IKZF1: variants seen among roughly 807,000 people sequenced by gnomAD.
IKZF1 encodes the protein IKAROS family zinc finger 1, also known as DNA-binding protein Ikaros.
Under a neutral mutation model 51.7 loss-of-function variants are expected in IKZF1, and 10 were observed. The observed-to-expected ratio is 0.19, with a 90% confidence interval of 0.12 to 0.33. IKZF1 has a LOEUF of 0.33. Among genes scored for constraint, IKZF1 ranks in the 10% least tolerant of loss-of-function variants. IKZF1 has a pLI of 1.00. For missense variants in IKZF1, 484 were observed against 707.5 expected (o/e 0.68, Z 3.58); for synonymous variants, 280 against 282.3 (o/e 0.99, Z 0.08).
intron 3 of IKZF1, chr7:50,329,098 TAAAG>T (rs1277102898): frequency 1.4e-5 from 2 of 147,590 alleles, no homozygotes; most frequent in African/African-American, 2.5e-5. Flanking sequence ...AAAGAAAAAG[TAAAG>T]AAAACATATT....
intron 3 of IKZF1, among the ~76,000 whole-genome samples, chr7:50,353,705 T>C (rs1246582283): frequency 6.6e-6 from 1 of 152,346 alleles, no homozygotes; most frequent in South Asian, 2.1e-4. Flanking sequence ...GTCCTTTTTA[T>C]TCAAGGGGCT....
At chr7:50,334,384 T>C (rs1468920429) in intron 3 of IKZF1, among the ~76,000 whole-genome samples, 2 of 151,992 alleles carry the variant, frequency 1.3e-5, no homozygotes, top group African/African-American at 2.4e-5. Context: ...GGGGGGTATA[T>C]GTGGTGTGTG....
intron 3 of IKZF1, among the ~76,000 whole-genome samples, chr7:50,340,151 C>T (rs1252560442): frequency 6.6e-6 from 1 of 152,194 alleles, no homozygotes; most frequent in African/African-American, 2.4e-5. Context: ...CAGAAAACTA[C>T]CTCCACTGTG....
Position 50,403,003 on chromosome 7 carries a change from T to A in IKZF1, c.*2376T>A, listed in dbSNP as rs886371912. On this transcript the variant is annotated 3_prime_UTR_variant, in exon 8 of 8. Transcript: ENST00000331340. Reference sequence around the variant, plus strand: ...TTTTCCATCCATCCCCCTGAGTCAGTTGGTTGAAGGGAGTTATTTTTTCAA... The same window carrying A: ...TTTTCCATCCATCCCCCTGAGTCAGATGGTTGAAGGGAGTTATTTTTTCAA... 9.3e-5 allele frequency: 21 copies of A among 226,828 alleles called. No individual in the cohort carries two copies. The highest frequency in any genetic ancestry group is 1.8e-4 in the Non-Finnish European group (20 of 114,088). The allele number at this position is 226,828 out of a possible 1,614,324, so 14.1% of individuals were successfully genotyped here.
intron 3 of IKZF1, among the ~76,000 whole-genome samples, chr7:50,366,281 A>T (rs1339079727): frequency 6.6e-6 from 1 of 152,238 alleles, no homozygotes; most frequent in South Asian, 2.1e-4. Flanking sequence ...ATTAATGTCT[A>T]ATAATATATT....
At chr7:50,362,854 G>T (rs1291641872) in intron 3 of IKZF1, among the ~76,000 whole-genome samples, 1 of 152,084 alleles carries the variant, frequency 6.6e-6, no homozygotes, top group Non-Finnish European at 1.5e-5. Context: ...TGAAAGCAAG[G>T]TCCCCATGAT....
intron 5 of IKZF1, 90 bp from the exon 6 acceptor site, chr7:50,387,255 T>A: frequency 7.0e-7 from 1 of 1,429,596 alleles, no homozygotes; most frequent in South Asian, 1.6e-5. Flanking sequence ...TTTTTTTAAC[T>A]TTTTTGGTAA....
intron 4 of IKZF1, among the ~76,000 whole-genome samples, chr7:50,382,307 C>T (rs938150097): frequency 6.6e-6 from 1 of 152,162 alleles, no homozygotes; most frequent in African/African-American, 2.4e-5. Flanking sequence ...TTTGAATTTG[C>T]ATTGTGATGT....
intron 2 of IKZF1, among the ~76,000 whole-genome samples, chr7:50,321,342 C>G (rs1584458542): frequency 6.6e-6 from 1 of 152,226 alleles, no homozygotes; most frequent in South Asian, 2.1e-4. Context: ...TATAGCCTCT[C>G]ATTTGGCTTC....
At chr7:50,373,962 A>G (rs1053001486) in intron 3 of IKZF1, among the ~76,000 whole-genome samples, 3 of 152,214 alleles carry the variant, frequency 2.0e-5, no homozygotes, top group Non-Finnish European at 4.4e-5. Context: ...TCTGATCTTC[A>G]GGATCTGAAG....
intron 2 of IKZF1, among the ~76,000 whole-genome samples, chr7:50,324,809 A>G (rs1247220860): frequency 1.3e-5 from 2 of 152,200 alleles, no homozygotes; most frequent in Non-Finnish European, 2.9e-5. Flanking sequence ...TTTAGCATGC[A>G]CTGAGCGGAA....
At chr7:50,386,182 A>G (rs969024448) in intron 5 of IKZF1, among the ~76,000 whole-genome samples, 1 of 152,262 alleles carries the variant, frequency 6.6e-6, no homozygotes, top group African/African-American at 2.4e-5. Context: ...TATCTACTGA[A>G]GTCCTTAAAC....
chr7:50,383,787 A>T (rs1248360567), intron 5 of IKZF1, among the ~76,000 whole-genome samples: 1 of 152,214 alleles, frequency 6.6e-6, no homozygotes, highest in Non-Finnish European at 1.5e-5. Flanking sequence ...GGGTAGCAGG[A>T]TAAGGAGGAG....
At chr7:50,390,816 C>A (rs944204201) in intron 6 of IKZF1, among the ~76,000 whole-genome samples, 4 of 152,140 alleles carry the variant, frequency 2.6e-5, no homozygotes, top group Non-Finnish European at 5.9e-5. Flanking sequence ...GAAGAATAGA[C>A]AAACAAATCA....
intron 2 of IKZF1, among the ~76,000 whole-genome samples, chr7:50,324,438 T>G (rs6583442): frequency 0.054 from 8,206 of 152,296 alleles, 308 homozygotes; most frequent in East Asian, 0.18. Context: ...GACTCTTTAC[T>G]AGATGCCCCT....
At chr7:50,392,701 A>G (rs1342972288) in intron 7 of IKZF1, among the ~76,000 whole-genome samples, 1 of 152,236 alleles carries the variant, frequency 6.6e-6, no homozygotes, top group Non-Finnish European at 1.5e-5. Flanking sequence ...CTCGGTGTGA[A>G]GGTTAACTCT....
In IKZF1 at chr7:50,327,637, G is replaced by T. The variant is rs2153384532; in HGVS notation, c.41-1G>T. The T allele has an allele frequency of 6.2e-7, 1 of 1,610,158 alleles. No individual in the cohort carries two copies. On this transcript the variant is annotated splice_acceptor_variant, in intron 2 of 7. Transcript: ENST00000331340. LOFTEE classifies it high-confidence loss of function. ...GACTCACACTTCTTCTTTCTCATCA[G>T]GGAAGGAAAGCCCCCCTGTAAGCGA...
intron 1 of IKZF1, among the ~76,000 whole-genome samples, chr7:50,316,408 C>T (rs949217746): frequency 6.6e-6 from 1 of 152,196 alleles, no homozygotes; most frequent in Non-Finnish European, 1.5e-5. Flanking sequence ...CACAGGTCTC[C>T]ATGCTGGGGC....
chr7:50,360,934 G>A (rs900420860), intron 3 of IKZF1, among the ~76,000 whole-genome samples: 1 of 152,188 alleles, frequency 6.6e-6, no homozygotes, highest in African/African-American at 2.4e-5. Flanking sequence ...ACACTCTTAT[G>A]GGCAGCCCAG....
Sources: gnomAD v4.1 joint callset for allele counts (sites outside exome capture counted in the v4.1 genomes callset) on GRCh38, gnomAD v4.1.1 for gene constraint, MANE v1.5 for transcripts, NCBI Gene and HGNC (gene_info 2026-07-23, HGNC 2026-07-21) for gene names.